COL4A1: variants seen among roughly 807,000 people sequenced by gnomAD.
The protein encoded by COL4A1 is collagen type IV alpha 1 chain, also known as collagen alpha-1(IV) chain.
COL4A1 carries 40 observed loss-of-function variants against 216.6 expected under a neutral mutation model. The observed-to-expected ratio is 0.18, with a 90% CI of 0.14 to 0.24. COL4A1 has a LOEUF of 0.24. Ranked by LOEUF, COL4A1 falls within the 10% of genes least tolerant of loss-of-function variation. The pLI, the probability that COL4A1 is intolerant of heterozygous loss-of-function variation, is 1.00. For missense variants in COL4A1, 1,628 were observed against 2,196.8 expected (o/e 0.74, Z 5.18); for synonymous variants, 839 against 810.7 (o/e 1.03, Z -0.59).
At chr13:110,193,885 C>T (rs186725700) in intron 22 of COL4A1, among the ~76,000 whole-genome samples, 1 of 152,280 alleles carries the variant, frequency 6.6e-6, no homozygotes, top group East Asian at 1.9e-4. Context: ...CTGGGGCATT[C>T]GTGGGTGTGT....
At chr13:110,182,093 T>C (rs988757304) in intron 28 of COL4A1, among the ~76,000 whole-genome samples, 28 of 152,152 alleles carry the variant, frequency 1.8e-4, no homozygotes, top group African/African-American at 6.5e-4. Context: ...AAGGAGGCAC[T>C]GTGTGAGGCA....
intron 2 of COL4A1, among the ~76,000 whole-genome samples, chr13:110,226,006 T>G (rs1490795800): frequency 6.6e-6 from 1 of 152,276 alleles, no homozygotes; most frequent in Non-Finnish European, 1.5e-5. Flanking sequence ...TCACTGCTTT[T>G]TAAACACGTA....
intron 1 of COL4A1, among the ~76,000 whole-genome samples, chr13:110,303,027 G>A (rs952662863): frequency 6.6e-6 from 1 of 152,112 alleles, no homozygotes; most frequent in Admixed American, 6.5e-5. Context: ...TTCTTCCACT[G>A]TCTACAAAGG....
At chr13:110,191,901 A>G (rs970641678) in intron 24 of COL4A1, among the ~76,000 whole-genome samples, 5 of 152,180 alleles carry the variant, frequency 3.3e-5, no homozygotes, top group Admixed American at 3.3e-4. Flanking sequence ...ATTTGTTTCC[A>G]GAAATCCCAG....
At chr13:110,150,561 C>T in intron 51 of COL4A1, 117 bp from the exon 52 acceptor site, 1 of 1,015,624 alleles carries the variant, frequency 9.8e-7, no homozygotes, top group South Asian at 1.4e-5. Context: ...GGCATCAGGC[C>T]TCAACCTGGT....
intron 29 of COL4A1, 25 bp from the exon 30 acceptor site, chr13:110,179,446 A>G: frequency 6.2e-7 from 1 of 1,614,014 alleles, no homozygotes; most frequent in South Asian, 1.1e-5. Context: ...AGCACAGAGA[A>G]GCAAATTGAT....
At chr13:110,182,204 G>A (rs756481296) in intron 28 of COL4A1, among the ~76,000 whole-genome samples, 44 of 152,200 alleles carry the variant, frequency 2.9e-4, no homozygotes, top group Non-Finnish European at 2.8e-4. Flanking sequence ...GGAAGCAGCC[G>A]TGGTGTGGGT....
chr13:110,279,007 G>A (rs7991407), intron 1 of COL4A1, among the ~76,000 whole-genome samples: 29,908 of 151,946 alleles, frequency 0.2, 3,741 homozygotes, highest in African/African-American at 0.37. Context: ...CCACTGTCAC[G>A]GTTGGCTCCT....
chr13:110,251,019 C>CT (rs926810477), intron 1 of COL4A1, among the ~76,000 whole-genome samples: 55 of 152,274 alleles, frequency 3.6e-4, no homozygotes, highest in Non-Finnish European at 7.3e-5. Context: ...TGCTCCCATC[C>CT]TTTGTAACTT....
chr13:110,235,178 T>G (rs1881250810), intron 2 of COL4A1, among the ~76,000 whole-genome samples: 1 of 152,214 alleles, frequency 6.6e-6, no homozygotes, highest in Non-Finnish European at 1.5e-5. Context: ...AACTCACCAT[T>G]ATTAGTTCAA....
chr13:110,241,069 C>T (rs927745762), intron 2 of COL4A1, among the ~76,000 whole-genome samples: 2 of 152,124 alleles, frequency 1.3e-5, no homozygotes, highest in Admixed American at 1.3e-4. Context: ...TGAGTTTCAC[C>T]GTGTTGGCCA....
chr13:110,293,688 G>C (rs994820616), intron 1 of COL4A1, among the ~76,000 whole-genome samples: 1 of 152,144 alleles, frequency 6.6e-6, no homozygotes, highest in Non-Finnish European at 1.5e-5. Flanking sequence ...GCCAATTAAG[G>C]AATCAAATTA....
At chr13:110,293,073 C>T (rs1884148676) in intron 1 of COL4A1, among the ~76,000 whole-genome samples, 1 of 152,222 alleles carries the variant, frequency 6.6e-6, no homozygotes, top group Non-Finnish European at 1.5e-5. Context: ...CACTCTCTTT[C>T]AACTAGTGAT....
At chr13:110,291,229 TG>T (rs1160177619) in intron 1 of COL4A1, among the ~76,000 whole-genome samples, 1 of 152,244 alleles carries the variant, frequency 6.6e-6, no homozygotes, top group African/African-American at 2.4e-5. Context: ...CTTGTCTCTT[TG>T]ATCATCTTCA....
At chr13:110,236,470 T>C (rs1055911998) in intron 2 of COL4A1, among the ~76,000 whole-genome samples, 5 of 152,180 alleles carry the variant, frequency 3.3e-5, no homozygotes, top group Non-Finnish European at 5.9e-5. Context: ...TATCTAAGGA[T>C]TGACAGACAC....
intron 1 of COL4A1, among the ~76,000 whole-genome samples, chr13:110,258,869 G>T (rs1882688462): frequency 6.6e-6 from 1 of 152,150 alleles, no homozygotes; most frequent in African/African-American, 2.4e-5. Context: ...TTTAATATTA[G>T]ATGTCTTTCA....
At position 110,211,343 on chromosome 13, in the gene COL4A1, C is replaced by A. The variant is rs553611752; in HGVS notation, c.468+304G>T. Reference sequence around the variant, plus strand: ...CCCTCCTGGGAAGTCTGAGAGGCACCCAGGGAGCCCCATTCTCCCATCTGC... The same window carrying A: ...CCCTCCTGGGAAGTCTGAGAGGCACACAGGGAGCCCCATTCTCCCATCTGC... On this transcript the variant is annotated intron_variant, in intron 8 of 51. Coordinates refer to ENST00000375820, the MANE Select transcript of COL4A1 (RefSeq NM_001845.6). This position sits in a 1 kb window ranked among gnomAD's most constrained non-coding sequence, Gnocchi z 4.3. Among the ~76,000 whole-genome samples the A allele has an allele frequency of 7.2e-5, 11 of 152,298 alleles. No individual in the cohort carries two copies. The South Asian group carries it at 2.3e-3, about 32-fold the overall frequency.
intron 17 of COL4A1, 116 bp from the exon 18 acceptor site, chr13:110,203,723 A>G: frequency 8.9e-7 from 1 of 1,123,984 alleles, no homozygotes; most frequent in Non-Finnish European, 1.3e-6. Context: ...AATTAAAACT[A>G]TTTTTCTCTC....
intron 1 of COL4A1, among the ~76,000 whole-genome samples, chr13:110,301,890 A>G (rs4773140): frequency 0.75 from 114,854 of 152,160 alleles, 43,382 homozygotes; most frequent in Admixed American, 0.8. Context: ...AAGAGGGGGA[A>G]CCCCAGTGAG....
Sources: gnomAD v4.1 joint callset for allele counts (sites outside exome capture counted in the v4.1 genomes callset) on GRCh38, gnomAD v4.1.1 for gene constraint, Gnocchi (gnomAD v3.1) non-coding constraint, MANE v1.5 for transcripts, NCBI Gene and HGNC (gene_info 2026-07-23, HGNC 2026-07-21) for gene names.